The following B3GAT2 variants were observed in gnomAD, a reference collection of about 807,000 sequenced individuals.
B3GAT2 encodes beta-1,3-glucuronyltransferase 2.
B3GAT2 carries 26 observed loss-of-function variants against 27.8 expected under a neutral mutation model. The ratio of observed to expected loss-of-function variants is 0.93; its 90% CI spans 0.68 to 1.30. The LOEUF (loss-of-function observed/expected upper bound fraction) is 1.30, where lower values mean the gene tolerates loss of function less well. Among genes scored for constraint, B3GAT2 ranks in the 50% most tolerant of loss-of-function variants. B3GAT2 has a pLI of 0.00. For synonymous variants in B3GAT2, 218 were observed against 195.1 expected (o/e 1.12, Z -0.98); for missense variants, 458 against 459.0 (o/e 1.00, Z 0.02).
At chr6:70,892,529 A>G (rs1772307148) in intron 2 of B3GAT2, among the ~76,000 whole-genome samples, 1 of 152,124 alleles carries the variant, frequency 6.6e-6, no homozygotes, top group Admixed American at 6.5e-5. Flanking sequence ...TCTGAAGCAA[A>G]AGTCTGTCTG....
At chr6:70,943,344 A>G (rs1173313030) in intron 1 of B3GAT2, among the ~76,000 whole-genome samples, 1 of 152,210 alleles carries the variant, frequency 6.6e-6, no homozygotes, top group East Asian at 1.9e-4. Context: ...ATTGGTGAGG[A>G]GAACCAAGGC....
At chr6:70,942,478 G>T (rs1765410757) in intron 1 of B3GAT2, among the ~76,000 whole-genome samples, 1 of 152,034 alleles carries the variant, frequency 6.6e-6, no homozygotes, top group Admixed American at 6.6e-5. Context: ...TCACCCACTA[G>T]GCCCTGTTGT....
chr6:70,916,521 T>C (rs1429522482), intron 1 of B3GAT2, among the ~76,000 whole-genome samples: 1 of 152,240 alleles, frequency 6.6e-6, no homozygotes, highest in Non-Finnish European at 1.5e-5. Flanking sequence ...TTCAGTATAT[T>C]GGCTGTGGGT....
In B3GAT2 at chr6:70,858,055, C is replaced by T; in HGVS notation, c.*3608G>A. ...GAAATGTGATGGGACAGAGTCCAAGCATGATGGTGGGCATGCCCATGCCCA... is the reference window on the plus strand; with the variant it reads ...GAAATGTGATGGGACAGAGTCCAAGTATGATGGTGGGCATGCCCATGCCCA... On this transcript the variant is annotated 3_prime_UTR_variant, in exon 4 of 4. Coordinates refer to ENST00000230053, the MANE Select transcript of B3GAT2 (RefSeq NM_080742.3). 6.2e-7 allele frequency: 1 copy of T among 1,614,114 alleles called. No homozygotes were observed. The highest frequency in any genetic ancestry group is 2.2e-5 in the East Asian group (1 of 44,858).
chr6:70,890,586 T>G (rs977712425), intron 2 of B3GAT2, among the ~76,000 whole-genome samples: 4 of 152,210 alleles, frequency 2.6e-5, no homozygotes, highest in African/African-American at 7.2e-5. Context: ...TGTGAGTCAT[T>G]CTAGCAAATT....
At chr6:70,938,700 T>C (rs533729139) in intron 1 of B3GAT2, among the ~76,000 whole-genome samples, 2 of 152,122 alleles carry the variant, frequency 1.3e-5, no homozygotes, top group East Asian at 1.9e-4. Flanking sequence ...TGGCTAGCCA[T>C]ATGTAGAAAG....
At chr6:70,880,956 A>G (rs998813251) in intron 2 of B3GAT2, among the ~76,000 whole-genome samples, 1 of 152,212 alleles carries the variant, frequency 6.6e-6, no homozygotes, top group Non-Finnish European at 1.5e-5. Context: ...GATGTGAGCC[A>G]CCACAACCAG....
rs138201869 is a variant in B3GAT2 at position 70,921,419 on chromosome 6, G to C, written c.592-27147C>G. ...TTAACAATGCTTGTGATTGCATTAT[G>C]AAATTCTTGTAGTGAGTTTTTCAGC... On this transcript the variant is annotated intron_variant, in intron 1 of 3. Coordinates refer to ENST00000230053, the MANE Select transcript of B3GAT2 (RefSeq NM_080742.3). 1.0e-2 allele frequency among the ~76,000 whole-genome samples: 1,516 copies of C among 152,286 alleles called. 13 individuals are homozygous for C. Among genetic ancestry groups the C allele is most frequent in the Middle Eastern group, 0.017 (5 of 294 alleles).
chr6:70,936,291 A>C (rs1162976047), intron 1 of B3GAT2, among the ~76,000 whole-genome samples: 72 of 152,042 alleles, frequency 4.7e-4, no homozygotes, highest in African/African-American at 9.9e-4. Context: ...TAGACTCCCA[A>C]ACAATAATAA....
At chr6:70,900,963 G>A (rs745806704) in intron 1 of B3GAT2, among the ~76,000 whole-genome samples, 98 of 151,982 alleles carry the variant, frequency 6.4e-4, no homozygotes, top group Admixed American at 1.1e-3. Context: ...AAAAGTAAAC[G>A]AAACCCATCA....
At position 70,920,641 on chromosome 6, in the gene B3GAT2, T is replaced by C. The variant is rs575728895; in HGVS notation, c.592-26369A>G. Among the ~76,000 whole-genome samples, 8 of 152,362 alleles carry C rather than the reference T, an allele frequency of 5.3e-5. No homozygotes were observed. In the South Asian group the frequency reaches 1.4e-3, roughly 28 times the overall value. ...CATTTTGCATGTTTACTTTTAAGGA[T>C]AATACTTATATGTGTTGATTTGATC... On this transcript the variant is annotated intron_variant, in intron 1 of 3. Coordinates refer to ENST00000230053, the MANE Select transcript of B3GAT2 (RefSeq NM_080742.3).
At chr6:70,891,706 T>TATC (rs1490001358) in intron 2 of B3GAT2, among the ~76,000 whole-genome samples, 1 of 152,012 alleles carries the variant, frequency 6.6e-6, no homozygotes, top group African/African-American at 2.4e-5. Context: ...CTCACTTGAC[T>TATC]ATCACAGAGC....
chr6:70,925,658 T>C (rs1282427348), intron 1 of B3GAT2, among the ~76,000 whole-genome samples: 2 of 152,190 alleles, frequency 1.3e-5, no homozygotes, highest in African/African-American at 4.8e-5. Context: ...AAGCTCAAAC[T>C]GGGTGGAGCC....
intron 1 of B3GAT2, among the ~76,000 whole-genome samples, chr6:70,916,366 T>C (rs1037986372): frequency 1.3e-5 from 2 of 152,222 alleles, no homozygotes; most frequent in African/African-American, 4.8e-5. Context: ...TGACTTCCTC[T>C]TTTCCTAATT....
chr6:70,866,865 T>C (rs113890083), intron 2 of B3GAT2, among the ~76,000 whole-genome samples: 15 of 152,318 alleles, frequency 9.8e-5, no homozygotes, highest in African/African-American at 3.4e-4. Flanking sequence ...CAGAATACAA[T>C]CTTTTAAAGT....
intron 1 of B3GAT2, among the ~76,000 whole-genome samples, chr6:70,914,174 G>A (rs1325379581): frequency 6.6e-6 from 1 of 152,006 alleles, no homozygotes; most frequent in Non-Finnish European, 1.5e-5. Flanking sequence ...GGGTACATGT[G>A]CACAACATGC....
intron 1 of B3GAT2, among the ~76,000 whole-genome samples, chr6:70,952,169 CCAA>C (rs745983525): frequency 5.3e-5 from 8 of 152,058 alleles, no homozygotes; most frequent in Non-Finnish European, 8.8e-5. Flanking sequence ...TGAATAGCAC[CCAA>C]CAAAAGATTC....
chr6:70,945,859 C>A (rs1463162458), intron 1 of B3GAT2, among the ~76,000 whole-genome samples: 6 of 151,720 alleles, frequency 4.0e-5, no homozygotes, highest in African/African-American at 1.2e-4. Context: ...GCCCATCAGA[C>A]TAACAGCCGA....
At chr6:70,888,757 C>A (rs1772233531) in intron 2 of B3GAT2, among the ~76,000 whole-genome samples, 1 of 152,220 alleles carries the variant, frequency 6.6e-6, no homozygotes, top group Non-Finnish European at 1.5e-5. Flanking sequence ...CTTGCCCTTC[C>A]CAAGAGCTAC....
Sources: gnomAD v4.1 joint callset for allele counts (sites outside exome capture counted in the v4.1 genomes callset) on GRCh38, gnomAD v4.1.1 for gene constraint, MANE v1.5 for transcripts, NCBI Gene and HGNC (gene_info 2026-07-23, HGNC 2026-07-21) for gene names.